GAK: variants seen among roughly 807,000 people sequenced by gnomAD.
GAK encodes cyclin-G-associated kinase.
GAK carries 79 observed loss-of-function variants against 143.9 expected under a neutral mutation model. The ratio of observed to expected loss-of-function variants is 0.55; its 90% CI spans 0.46 to 0.66. The LOEUF is 0.66. GAK is among the 30% of genes least tolerant of loss of function. The probability of loss-of-function intolerance (pLI) is 0.00; values close to 1 mark genes in which losing one functional copy is unlikely to be tolerated. For synonymous variants in GAK, 881 were observed against 765.5 expected (o/e 1.15, Z -2.49); for missense variants, 1,693 against 1,779.7 (o/e 0.95, Z 0.88).
intron 18 of GAK, among the ~76,000 whole-genome samples, chr4:874,138 C>G (rs576107498): frequency 2.7e-5 from 4 of 150,770 alleles, no homozygotes; most frequent in African/African-American, 9.7e-5. Context: ...TGTGTGTGCG[C>G]GCTGGTGCTT....
At position 851,068 on chromosome 4, in the gene GAK, G is replaced by A; in HGVS notation, c.3525C>T (p.Val1175=). The A allele has an allele frequency of 1.2e-6, 2 of 1,613,676 alleles. No homozygotes were observed. The highest frequency in any genetic ancestry group is 1.7e-6 in the Non-Finnish European group (2 of 1,179,744). ...ACAGATCTTCAAAGTCGTTCTCAGA[G>A]ACTTTTGGCTTTTGAGCTAGAAAAG... ...RAPSFAQKPK[V]SENDFEDLLS... is the part of the protein sequence containing the mutation. The change falls in exon 26 of 28, where the codon GTC becomes GTT. Residue 1175 remains valine (V), a synonymous_variant. Transcript: ENST00000314167.
At chr4:869,339 G>A (rs561691380) in intron 19 of GAK, 3,909 of 133,666 alleles carry the variant, frequency 0.029, 84 homozygotes, top group Middle Eastern at 0.096. Flanking sequence ...CAGTACACAC[G>A]AATGCACACA....
Position 862,099 on chromosome 4 carries a change from C to T in GAK, c.3167-2377G>A, listed in dbSNP as rs999795821. 3.3e-4 allele frequency among the ~76,000 whole-genome samples: 45 copies of T among 138,266 alleles called. 1 individual carries two copies. Among genetic ancestry groups the T allele is most frequent in the Non-Finnish European group, 6.2e-5 (4 of 64,326 alleles). 90.7% of individuals were successfully genotyped at this position (138,266 alleles called of 152,430 possible). On this transcript the variant is annotated intron_variant, in intron 23 of 27. Coordinates refer to ENST00000314167, the MANE Select transcript of GAK (RefSeq NM_005255.4). ...GCACCCGCCAGACTCTCCATGCAGA[C>T]GAGACGGCCTAAGTCATCCGCTAAG... is the stretch of plus-strand genomic sequence containing the variant.
At chr4:900,894 C>T (rs544157416) in intron 5 of GAK, among the ~76,000 whole-genome samples, 4 of 152,180 alleles carry the variant, frequency 2.6e-5, no homozygotes, top group East Asian at 3.9e-4. Context: ...GGCTCCACAG[C>T]GGTGGCCATG....
intron 15 of GAK, 137 bp from the exon 16 acceptor site, chr4:877,946 GATGTT>G (rs1055295191): frequency 3.6e-5 from 23 of 641,914 alleles, no homozygotes; most frequent in African/African-American, 5.6e-5. Context: ...TAACAAATCT[GATGTT>G]ATAATTTTCA....
Position 902,605 on chromosome 4 carries a change from A to AAAAAAAAAAAAAAC in GAK, c.525+2031_525+2032insGTTTTTTTTTTTTT, listed in dbSNP as rs1180561371. Among the ~76,000 whole-genome samples the AAAAAAAAAAAAAAC allele has an allele frequency of 5.8e-4, 76 of 130,364 alleles. 1 individual carries two copies. The highest frequency in any genetic ancestry group is 4.6e-3 in the Middle Eastern group (1 of 216). 85.5% of individuals were successfully genotyped at this position (130,364 alleles called of 152,430 possible). On this transcript the variant is annotated intron_variant, in intron 5 of 27. Coordinates refer to ENST00000314167, the MANE Select transcript of GAK (RefSeq NM_005255.4). The stretch of plus-strand genomic sequence containing the variant: ...TGTAGAGTGACTGACTCAAAAAAAA[A>AAAAAAAAAAAAAAC]AAAAAAAAACCCCAAAAAACCTCTT...
chr4:866,579 G>T, intron 21 of GAK, 45 bp from the exon 22 acceptor site: 1 of 1,588,540 alleles, frequency 6.3e-7, no homozygotes, highest in South Asian at 1.1e-5. Flanking sequence ...CCGGCTGCCT[G>T]AAGACAAAGG....
intron 15 of GAK, among the ~76,000 whole-genome samples, chr4:878,755 C>T (rs970501569): frequency 5.3e-5 from 8 of 152,346 alleles, no homozygotes; most frequent in African/African-American, 1.9e-4. Flanking sequence ...CTCTGGCTTT[C>T]CCGTGGCTGG....
chr4:918,710 C>T (rs1415761995), intron 1 of GAK, among the ~76,000 whole-genome samples: 6 of 152,266 alleles, frequency 3.9e-5, no homozygotes, highest in Admixed American at 3.3e-4. Context: ...TAAAACTCCT[C>T]TCATTTTCAG....
chr4:884,196 A>G, intron 11 of GAK, 110 bp from the exon 12 acceptor site: 1 of 885,720 alleles, frequency 1.1e-6, no homozygotes, highest in South Asian at 1.5e-5. Context: ...CTCTCACTGT[A>G]GAGGCCGCAT....
In GAK at chr4:849,703, A is replaced by C. The variant is rs1286695268; in HGVS notation, c.3906T>G (p.Phe1302Leu). Residue 1302 changes from phenylalanine to leucine, a missense_variant, in exon 28 of 28, where the codon TTT becomes TTG. This residue lies in a region of GAK where 822 missense variants were observed against 788.7 expected (regional missense o/e 1.04). Coordinates refer to ENST00000314167, the MANE Select transcript of GAK (RefSeq NM_005255.4). ...FMELNDAWSE[F>L]ENQGSRPLF ...AGAGGGGCCGGGAGCCCTGGTTCTC[A>C]AACTCCGACCAGGCGTCATTCAGCT... is the stretch of plus-strand genomic sequence containing the variant. The C allele has an allele frequency of 1.2e-6, 2 of 1,613,214 alleles. No individual in the cohort carries two copies. The highest frequency in any genetic ancestry group is 8.5e-7 in the Non-Finnish European group (1 of 1,179,564).
intron 23 of GAK, among the ~76,000 whole-genome samples, chr4:864,021 T>C (rs774441847): frequency 6.6e-6 from 1 of 150,816 alleles, no homozygotes; most frequent in Non-Finnish European, 1.5e-5. Flanking sequence ...CAAGACTCCA[T>C]CTCCCAAAGA....
At chr4:892,438 G>T (rs1395897113) in intron 9 of GAK, among the ~76,000 whole-genome samples, 2 of 152,220 alleles carry the variant, frequency 1.3e-5, no homozygotes, top group South Asian at 2.1e-4. Flanking sequence ...CTGCCTCGAG[G>T]ATCTGGTGAT....
chr4:882,866 C>G (rs770931955), intron 13 of GAK, 47 bp from the exon 14 acceptor site: 1 of 1,592,860 alleles, frequency 6.3e-7, no homozygotes, highest in South Asian at 1.1e-5. Context: ...GAGCCCCGCC[C>G]CAGCCTTGGT....
intron 4 of GAK, among the ~76,000 whole-genome samples, chr4:905,667 G>A (rs1229424424): frequency 4.7e-5 from 7 of 150,508 alleles, no homozygotes; most frequent in Non-Finnish European, 7.4e-5. Flanking sequence ...ACTCTGCCAC[G>A]TTGGGCCACA....
chr4:879,326 G>A (rs969990404), intron 15 of GAK, among the ~76,000 whole-genome samples: 1 of 152,218 alleles, frequency 6.6e-6, no homozygotes, highest in South Asian at 2.1e-4. Context: ...AACCACTCAT[G>A]TTCAGCCTGA....
At chr4:887,674 A>C (rs1716767604) in intron 11 of GAK, 1 of 152,366 alleles carries the variant, frequency 6.6e-6, no homozygotes, top group South Asian at 2.1e-4. Flanking sequence ...GCACACGTGT[A>C]CACATGCACA....
chr4:914,670 CGT>C (rs1722759554), intron 1 of GAK, among the ~76,000 whole-genome samples: 2 of 118,494 alleles, frequency 1.7e-5, no homozygotes, highest in Non-Finnish European at 1.7e-5. Flanking sequence ...ACAGCCCCAG[CGT>C]GCACAGCCCC....
chr4:921,984 T>C (rs1723988385), intron 1 of GAK, among the ~76,000 whole-genome samples: 2 of 152,140 alleles, frequency 1.3e-5, no homozygotes, highest in Non-Finnish European at 1.5e-5. Flanking sequence ...TGTATCACAA[T>C]GATCACAGTA....
Sources: allele counts gnomAD v4.1 joint callset (sites outside exome capture counted in the v4.1 genomes callset), GRCh38; gene constraint gnomAD v4.1.1; regional missense constraint gnomAD v4.1.1; transcripts MANE v1.5; gene names NCBI Gene and HGNC (gene_info 2026-07-23, HGNC 2026-07-21).